KCNS3: variants seen among roughly 807,000 people sequenced by gnomAD.
KCNS3 encodes potassium voltage-gated channel modifier subfamily S member 3, also known as delayed-rectifier potassium channel regulatory subunit KCNS3.
A neutral mutation model predicts 31.0 loss-of-function variants in KCNS3; 13 were observed. That is an observed-to-expected ratio of 0.42 (90% CI 0.27 to 0.67). KCNS3 has a LOEUF of 0.67. Ranked by LOEUF, KCNS3 falls within the 30% of genes least tolerant of loss-of-function variation. The probability of loss-of-function intolerance (pLI) is 0.25; values close to 1 mark genes in which losing one functional copy is unlikely to be tolerated. For synonymous variants in KCNS3, 238 were observed against 241.5 expected (o/e 0.99, Z 0.13); for missense variants, 545 against 622.4 (o/e 0.88, Z 1.32).
intron 1 of KCNS3, among the ~76,000 whole-genome samples, chr2:17,898,369 C>T (rs1366593843): frequency 6.6e-6 from 1 of 151,404 alleles, no homozygotes; most frequent in Non-Finnish European, 1.5e-5. Context: ...ATAGGAATAG[C>T]ATTGAATCTA....
intron 1 of KCNS3, among the ~76,000 whole-genome samples, chr2:17,898,271 T>A (rs1662080008): frequency 6.6e-6 from 1 of 150,848 alleles, no homozygotes; most frequent in Admixed American, 6.6e-5. Flanking sequence ...TGCTTAAGAT[T>A]GCTTTGGCTA....
chr2:17,891,703 C>T (rs371948930), intron 1 of KCNS3, among the ~76,000 whole-genome samples: 28 of 152,144 alleles, frequency 1.8e-4, no homozygotes, highest in African/African-American at 6.3e-4. Context: ...TTGCTGGATA[C>T]AAAATTCTTG....
chr2:17,906,792 G>T (rs1662328780), intron 1 of KCNS3, among the ~76,000 whole-genome samples: 1 of 152,196 alleles, frequency 6.6e-6, no homozygotes, highest in Admixed American at 6.5e-5. Flanking sequence ...TTAATCCTGA[G>T]TTCTAGTTTG....
Position 17,878,671 on chromosome 2 carries a change from C to T in KCNS3, c.-387C>T, listed in dbSNP as rs564154793. 2.0e-5 allele frequency: 3 copies of T among 149,620 alleles called. No individual in the cohort carries two copies. Among genetic ancestry groups the T allele is most frequent in the African/African-American group, 4.9e-5 (2 of 41,078 alleles). The allele number at this position is 149,620 out of a possible 1,614,324, so 9.3% of individuals were successfully genotyped here. ...AGCGGGGCGGGACCGACGGACAGAC[C>T]GGCCGACGCGGGCCACCCCGCTCTC... is the stretch of plus-strand genomic sequence containing the variant. On this transcript the variant is annotated 5_prime_UTR_variant, in exon 1 of 3. Coordinates refer to ENST00000304101, the MANE Select transcript of KCNS3 (RefSeq NM_002252.5).
chr2:17,926,724 C>T (rs879713274), intron 2 of KCNS3, among the ~76,000 whole-genome samples: 1 of 152,254 alleles, frequency 6.6e-6, no homozygotes, highest in Non-Finnish European at 1.5e-5. Flanking sequence ...CAGCGGGGCC[C>T]TAGGCCTAGC....
At chr2:17,913,681 T>C (rs899651562) in intron 1 of KCNS3, among the ~76,000 whole-genome samples, 1 of 152,350 alleles carries the variant, frequency 6.6e-6, no homozygotes, top group Non-Finnish European at 1.5e-5. Context: ...CAATTTGTCA[T>C]TCCCAGTCTT....
rs35391429 is a variant in KCNS3, at chr2:17,886,742, GTCCA to G, written c.-252+7973_-252+7976del. On this transcript the variant is annotated intron_variant, in intron 1 of 2. Transcript: ENST00000304101. ...CCATTCTTCCACCACCCATTTAAAT[GTCCA>G]TCCATCCATCCATCCATCCATCCAT... 9.6e-3 allele frequency among the ~76,000 whole-genome samples: 1,405 copies of G among 146,918 alleles called. 19 individuals carry two copies. Among genetic ancestry groups the G allele is most frequent in the African/African-American group, 0.028 (1,122 of 39,498 alleles).
intron 1 of KCNS3, among the ~76,000 whole-genome samples, chr2:17,909,542 G>C (rs753548933): frequency 6.6e-6 from 1 of 152,146 alleles, no homozygotes; most frequent in Non-Finnish European, 1.5e-5. Context: ...CTCGTCTTCT[G>C]CGTTGCTCAT....
chr2:17,893,038 TC>T (rs889879873), intron 1 of KCNS3, among the ~76,000 whole-genome samples: 1 of 152,146 alleles, frequency 6.6e-6, no homozygotes, highest in African/African-American at 2.4e-5. Context: ...GAAAGGACCA[TC>T]AGGTGGGGGT....
At chr2:17,907,190 A>T (rs1375573292) in intron 1 of KCNS3, among the ~76,000 whole-genome samples, 1 of 152,322 alleles carries the variant, frequency 6.6e-6, no homozygotes, top group South Asian at 2.1e-4. Context: ...TTCTTGTTGA[A>T]TTGATCCTTT....
chr2:17,931,830 C>G lies in KCNS3; in HGVS notation c.822C>G (p.Thr274=), dbSNP rs759223621. The G allele has an allele frequency of 2.5e-6, 4 of 1,613,992 alleles. No individual in the cohort carries two copies. In the African/African-American group the frequency reaches 5.3e-5, roughly 22 times the overall value. The change falls in exon 3 of 3, where the codon ACC becomes ACG. Residue 274 remains threonine (T), a synonymous_variant. Transcript: ENST00000304101. This position sits in a 1 kb window ranked among gnomAD's most constrained non-coding sequence, Gnocchi z 5.4. ...TCTATGCCACGTTGGCTGTAGACAC[C>G]AAGGAGGAAGAGAGTGAGGATATTG... ...IPFYATLAVD[T]KEEESEDIEN... is the part of the protein sequence containing the mutation.
chr2:17,888,024 TG>T (rs1417249047), intron 1 of KCNS3, among the ~76,000 whole-genome samples: 1 of 150,038 alleles, frequency 6.7e-6, no homozygotes, highest in African/African-American at 2.5e-5. Context: ...TGGGATTTTT[TG>T]TTTTTTTTGT....
chr2:17,931,966 A>G lies in KCNS3; in HGVS notation c.958A>G (p.Ser320Gly). 6.2e-7 allele frequency: 1 copy of G among 1,614,030 alleles called. No homozygotes were observed. Among genetic ancestry groups the G allele is most frequent in the African/African-American group, 1.3e-5 (1 of 74,994 alleles). Reference sequence around the variant, plus strand: ...GTCTCTAGGTGCCACACTGAGACACAGCTACCATGAAGTTGGGCTTCTGCT... The same window carrying G: ...GTCTCTAGGTGCCACACTGAGACACGGCTACCATGAAGTTGGGCTTCTGCT... ...LRSLGATLRH[S>G]YHEVGLLLLF... Residue 320 changes from serine (S) to glycine (G), a missense_variant, in exon 3 of 3, where the codon AGC (serine) becomes GGC (glycine). Transcript: ENST00000304101. This position sits in a 1 kb window ranked among gnomAD's most constrained non-coding sequence, Gnocchi z 5.4.
intron 1 of KCNS3, among the ~76,000 whole-genome samples, chr2:17,888,656 T>TAG (rs1661762039): frequency 7.4e-6 from 1 of 135,004 alleles, no homozygotes; most frequent in Admixed American, 7.4e-5. Context: ...TATATATATA[T>TAG]ATATATATAT....
At chr2:17,888,004 C>T (rs972469217) in intron 1 of KCNS3, among the ~76,000 whole-genome samples, 4 of 151,500 alleles carry the variant, frequency 2.6e-5, no homozygotes, top group African/African-American at 7.3e-5. Context: ...GTCCTTAGCC[C>T]ACTTTTTGAT....
intron 1 of KCNS3, among the ~76,000 whole-genome samples, chr2:17,893,416 A>G (rs1453249289): frequency 6.6e-6 from 1 of 152,046 alleles, no homozygotes; most frequent in Non-Finnish European, 1.5e-5. Context: ...AGGATTCGCA[A>G]CCTCTCCTGA....
chr2:17,909,259 T>A (rs1352640405), intron 1 of KCNS3, among the ~76,000 whole-genome samples: 1 of 152,194 alleles, frequency 6.6e-6, no homozygotes, highest in South Asian at 2.1e-4. Context: ...CTCCAAGCCA[T>A]GCATGGGATA....
chr2:17,887,496 T>G (rs1029625343), intron 1 of KCNS3, among the ~76,000 whole-genome samples: 4 of 149,112 alleles, frequency 2.7e-5, no homozygotes, highest in African/African-American at 9.8e-5. Flanking sequence ...TCTATCTATC[T>G]ATCTATCTAT....
At chr2:17,880,544 G>A (rs1224933920) in intron 1 of KCNS3, among the ~76,000 whole-genome samples, 3 of 152,214 alleles carry the variant, frequency 2.0e-5, no homozygotes, top group Non-Finnish European at 4.4e-5. Flanking sequence ...TCCAAAGCAT[G>A]TTGTGAATAT....
Sources: gnomAD v4.1 joint callset for allele counts (sites outside exome capture counted in the v4.1 genomes callset) on GRCh38, gnomAD v4.1.1 for gene constraint, Gnocchi (gnomAD v3.1) non-coding constraint, MANE v1.5 for transcripts, NCBI Gene and HGNC (gene_info 2026-07-23, HGNC 2026-07-21) for gene names.